The following ADAMTSL1 variants were observed in gnomAD, a reference collection of about 807,000 sequenced individuals.
The protein encoded by ADAMTSL1 is ADAMTS like 1.
ADAMTSL1 carries 126 observed loss-of-function variants against 201.8 expected under a neutral mutation model. The ratio of observed to expected loss-of-function variants is 0.62; its 90% CI spans 0.54 to 0.72. The LOEUF is 0.72. ADAMTSL1 is among the 30% of genes least tolerant of loss of function. The pLI is 0.00. For synonymous variants in ADAMTSL1, 1,121 were observed against 903.4 expected, an observed-to-expected ratio of 1.24 and a Z score of -4.32; for missense variants, 2,679 against 2,277.8, an observed-to-expected ratio of 1.18 and a Z score of -3.59.
chr9:18,469,511 C>CTGAAGATTCCAACTTGAGCTT (rs1821126450), upstream of ADAMTSL1, among the ~76,000 whole-genome samples: 1 of 152,038 alleles, frequency 6.6e-6, no homozygotes, highest in African/African-American at 2.4e-5. Context: ...AACTTGAGCT[C>CTGAAGATTCCAACTTGAGCTT]TCTGAAGATT....
intron 1 of ADAMTSL1, among the ~76,000 whole-genome samples, chr9:17,907,230 G>T (rs1013319651): frequency 6.6e-6 from 1 of 152,150 alleles, no homozygotes; most frequent in African/African-American, 2.4e-5. Flanking sequence ...CCTGAGCTGG[G>T]GAGCTGTCAT....
At chr9:18,255,944 A>G (rs139884594) in intron 2 of ADAMTSL1, among the ~76,000 whole-genome samples, 1 of 152,198 alleles carries the variant, frequency 6.6e-6, no homozygotes, top group African/African-American at 2.4e-5. Context: ...CTCATATGCA[A>G]CTGACTTTCG....
chr9:18,580,903 T>G (rs1363005806), intron 4 of ADAMTSL1, among the ~76,000 whole-genome samples: 2 of 152,146 alleles, frequency 1.3e-5, no homozygotes, highest in East Asian at 3.9e-4. Flanking sequence ...AATGGGGACC[T>G]CTTGCTAAAA....
intron 16 of ADAMTSL1, among the ~76,000 whole-genome samples, chr9:18,756,118 T>TATATATATATATATATATATAC (rs1819745985): frequency 4.0e-5 from 3 of 74,814 alleles, no homozygotes; most frequent in African/African-American, 1.3e-4. Flanking sequence ...TATATATATA[T>TATATATATATATATATATATAC]ATATACAAAA....
At chr9:18,233,230 G>A (rs564667890) in intron 2 of ADAMTSL1, among the ~76,000 whole-genome samples, 3 of 152,272 alleles carry the variant, frequency 2.0e-5, no homozygotes, top group South Asian at 4.1e-4. Flanking sequence ...AATTCACTAT[G>A]TATTATTAAT....
chr9:18,876,941 A>G (rs888027778), intron 23 of ADAMTSL1, among the ~76,000 whole-genome samples: 3 of 152,058 alleles, frequency 2.0e-5, no homozygotes, highest in Non-Finnish European at 4.4e-5. Flanking sequence ...GGCTTTGTTC[A>G]TTTGTTTTAA....
At chr9:18,437,824 C>T (rs1279522056) in intron 2 of ADAMTSL1, among the ~76,000 whole-genome samples, 1 of 152,142 alleles carries the variant, frequency 6.6e-6, no homozygotes, top group Non-Finnish European at 1.5e-5. Flanking sequence ...AGAACACAGC[C>T]CCTGCCTGCT....
At chr9:18,545,905 T>C (rs1820438655) in intron 3 of ADAMTSL1, among the ~76,000 whole-genome samples, 1 of 152,186 alleles carries the variant, frequency 6.6e-6, no homozygotes, top group Non-Finnish European at 1.5e-5. Flanking sequence ...TCTGTAAGCC[T>C]AGAAACGATA....
chr9:18,676,924 T>C (rs1266390758), intron 10 of ADAMTSL1, among the ~76,000 whole-genome samples: 1 of 152,122 alleles, frequency 6.6e-6, no homozygotes, highest in African/African-American at 2.4e-5. Flanking sequence ...TCCCCATTGA[T>C]GCTTCATTCT....
intron 1 of ADAMTSL1, among the ~76,000 whole-genome samples, chr9:17,978,386 T>C (rs1402548551): frequency 6.6e-6 from 1 of 152,040 alleles, no homozygotes; most frequent in Non-Finnish European, 1.5e-5. Flanking sequence ...TTTTTTGCTG[T>C]CTTCCTTTGT....
At position 18,827,713 on chromosome 9, in the gene ADAMTSL1, G is replaced by A. The variant is rs1202017259; in HGVS notation, c.4114+1250G>A. On this transcript the variant is annotated intron_variant, in intron 22 of 28. Transcript: ENST00000380548. The stretch of plus-strand genomic sequence containing the variant: ...TCTAAGATGTATGGCTGCTACTGTG[G>A]CTTTGCCAATGAAGTGTGTATGTTC... Among the ~76,000 whole-genome samples, 28 of 152,120 alleles carry A rather than the reference G, an allele frequency of 1.8e-4. 1 individual carries two copies. The highest frequency in any genetic ancestry group is 1.8e-3 in the Admixed American group (27 of 15,238).
chr9:18,168,340 T>A (rs1232544806), intron 2 of ADAMTSL1, among the ~76,000 whole-genome samples: 4 of 152,264 alleles, frequency 2.6e-5, no homozygotes, highest in East Asian at 3.9e-4. Context: ...GAGTTCTCAT[T>A]GCTAAATTGC....
chr9:17,947,915 A>G (rs1423102907), intron 1 of ADAMTSL1, among the ~76,000 whole-genome samples: 1 of 152,178 alleles, frequency 6.6e-6, no homozygotes, highest in Non-Finnish European at 1.5e-5. Context: ...ATGATACACC[A>G]TCTTCAGGCA....
intron 2 of ADAMTSL1, among the ~76,000 whole-genome samples, chr9:18,181,721 C>T (rs1413454436): frequency 6.6e-6 from 1 of 151,812 alleles, no homozygotes; most frequent in Non-Finnish European, 1.5e-5. Context: ...TTGTGGAAGT[C>T]AGTGTGGCGA....
intron 20 of ADAMTSL1, among the ~76,000 whole-genome samples, chr9:18,816,395 C>A (rs917730268): frequency 4.6e-5 from 7 of 152,070 alleles, no homozygotes; most frequent in Non-Finnish European, 8.8e-5. Flanking sequence ...TGCCACCACA[C>A]CCGGTTAATT....
chr9:18,660,111 A>G (rs1828982404), intron 8 of ADAMTSL1, among the ~76,000 whole-genome samples: 1 of 152,174 alleles, frequency 6.6e-6, no homozygotes, highest in Non-Finnish European at 1.5e-5. Flanking sequence ...AAGAAGTAGA[A>G]CTATCAGTGG....
chr9:17,999,243 C>G (rs2131525130), intron 1 of ADAMTSL1, among the ~76,000 whole-genome samples: 1 of 152,004 alleles, frequency 6.6e-6, no homozygotes, highest in East Asian at 1.9e-4. Flanking sequence ...TTGCAACTGT[C>G]TAAAATACGG....
At chr9:18,240,945 C>CAGAG (rs1563829540) in intron 2 of ADAMTSL1, among the ~76,000 whole-genome samples, 1 of 152,188 alleles carries the variant, frequency 6.6e-6, no homozygotes, top group Admixed American at 6.5e-5. Context: ...TGTCAACATT[C>CAGAG]ACAGAATTGA....
intron 2 of ADAMTSL1, among the ~76,000 whole-genome samples, chr9:18,202,714 A>G (rs750447853): frequency 6.6e-6 from 1 of 152,130 alleles, no homozygotes; most frequent in Non-Finnish European, 1.5e-5. Flanking sequence ...TTATCTGCAT[A>G]TATGCTTCTC....
Sources: gnomAD v4.1 joint callset for allele counts (sites outside exome capture counted in the v4.1 genomes callset) on GRCh38, gnomAD v4.1.1 for gene constraint, MANE v1.5 for transcripts, NCBI Gene and HGNC (gene_info 2026-07-23, HGNC 2026-07-21) for gene names.